The following PPP3CA variants were observed in gnomAD, a reference collection of about 807,000 sequenced individuals.
PPP3CA encodes the protein CAM-PRP catalytic subunit.
Under a neutral mutation model 66.5 loss-of-function variants are expected in PPP3CA, and 14 were observed. That is an observed-to-expected ratio of 0.21 (90% confidence interval 0.14 to 0.33). The LOEUF (loss-of-function observed/expected upper bound fraction) is 0.33. Ranked by LOEUF, PPP3CA falls within the 10% of genes least tolerant of loss-of-function variation. The pLI is 1.00. For synonymous variants in PPP3CA, 232 were observed against 226.2 expected (o/e 1.03, Z -0.23); for missense variants, 317 against 639.5 (o/e 0.50, Z 5.44).
rs1578205946 is a variant in PPP3CA, at chr4:101,342,570, G to A, written c.58+4169C>T. Among the ~76,000 whole-genome samples the A allele has an allele frequency of 3.9e-5, 6 of 152,052 alleles. No homozygotes were observed. The Middle Eastern group carries it at 0.017, about 431-fold the overall frequency. ...ATGTTGTTTATACTTTTTGGTTATC[G>A]GACCCCTTTCTTCACATCCAATGCT... On this transcript the variant is annotated intron_variant, in intron 1 of 13. Coordinates refer to ENST00000394854, the MANE Select transcript of PPP3CA (RefSeq NM_000944.5).
Position 101,121,763 on chromosome 4 carries a change from C to A in PPP3CA, c.260-12685G>T, listed in dbSNP as rs533917739. Among the ~76,000 whole-genome samples, 21 of 152,188 alleles carry A rather than the reference C, an allele frequency of 1.4e-4. 1 individual carries two copies. In the South Asian group the frequency reaches 4.2e-3, roughly 30 times the overall value. On this transcript the variant is annotated intron_variant, in intron 2 of 13. Transcript: ENST00000394854. The stretch of plus-strand genomic sequence containing the variant: ...AAAATAATGAGTAACTTTATAGTTA[C>A]AGTATACAAATACAACTGATTTTCT...
chr4:101,046,258 CCA>C (rs1336073130), intron 10 of PPP3CA, among the ~76,000 whole-genome samples: 2 of 150,736 alleles, frequency 1.3e-5, no homozygotes, highest in Non-Finnish European at 2.9e-5. Flanking sequence ...ATAAAAACGA[CCA>C]GTTTGAAAAA....
rs779695561 is a variant in PPP3CA, at chr4:101,154,808, A to ATTTTTTTTT, written c.259+41099_259+41107dup. On this transcript the variant is annotated intron_variant, in intron 2 of 13. Coordinates refer to ENST00000394854, the MANE Select transcript of PPP3CA (RefSeq NM_000944.5). ...GCTTCAGAACACATTCACTCCCAGA[A>ATTTTTTTTT]TTTTTTTTTTTTTTTTTTTTTTTTT... is the stretch of plus-strand genomic sequence containing the variant. Among the ~76,000 whole-genome samples, 20 of 90,580 alleles carry ATTTTTTTTT rather than the reference A, an allele frequency of 2.2e-4. 1 individual carries two copies. Among genetic ancestry groups the ATTTTTTTTT allele is most frequent in the South Asian group, 1.3e-3 (3 of 2,380 alleles). The allele number at this position is 90,580 out of a possible 152,430, so 59.4% of individuals were successfully genotyped here. A position where few individuals can be genotyped will look rare whatever the true frequency, so the allele number is the denominator to read the frequency against.
In PPP3CA at chr4:101,195,974, C is replaced by T. The variant is rs1216354530; in HGVS notation, c.201G>A (p.Glu67=). Residue 67 remains glutamate, a synonymous_variant, in exon 2 of 14, where the codon GAG becomes GAA. Coordinates refer to ENST00000394854, the MANE Select transcript of PPP3CA (RefSeq NM_000944.5). ...EESVALRIIT[E]GASILRQEKN... ...TTTCCTGTCGAAGAATTGATGCACC[C>T]TCTGTTATTATTCTCAATGCAACAC... 6.2e-7 allele frequency: 1 copy of T among 1,614,020 alleles called. No homozygotes were observed. The highest frequency in any genetic ancestry group is 8.5e-7 in the Non-Finnish European group (1 of 1,179,968).
At chr4:101,200,829 A>G (rs891491744) in intron 1 of PPP3CA, among the ~76,000 whole-genome samples, 4 of 152,154 alleles carry the variant, frequency 2.6e-5, no homozygotes, top group South Asian at 2.1e-4. Context: ...GAATCATCCA[A>G]CGTCAAAGGA....
intron 2 of PPP3CA, among the ~76,000 whole-genome samples, chr4:101,135,055 A>G (rs1018325072): frequency 6.6e-6 from 1 of 151,950 alleles, no homozygotes; most frequent in Non-Finnish European, 1.5e-5. Flanking sequence ...AACATCACAC[A>G]CCAGGGCCTG....
At chr4:101,053,225 G>A (rs1179249797) in intron 10 of PPP3CA, among the ~76,000 whole-genome samples, 2 of 151,958 alleles carry the variant, frequency 1.3e-5, no homozygotes, top group African/African-American at 4.8e-5. Flanking sequence ...TCAATTTTAC[G>A]TGCCACTGTA....
intron 1 of PPP3CA, among the ~76,000 whole-genome samples, chr4:101,260,153 A>G (rs1726966671): frequency 6.6e-6 from 1 of 152,162 alleles, no homozygotes; most frequent in Non-Finnish European, 1.5e-5. Flanking sequence ...AAATCGTATC[A>G]ACGACAAAGG....
chr4:101,186,335 C>T (rs1283377484), intron 2 of PPP3CA, among the ~76,000 whole-genome samples: 1 of 152,104 alleles, frequency 6.6e-6, no homozygotes, highest in Non-Finnish European at 1.5e-5. Context: ...TCTAAAGTTG[C>T]ATATTATTTG....
intron 1 of PPP3CA, among the ~76,000 whole-genome samples, chr4:101,197,096 C>A (rs1402124578): frequency 6.6e-6 from 1 of 152,208 alleles, no homozygotes; most frequent in Non-Finnish European, 1.5e-5. Flanking sequence ...GCAGCATAAA[C>A]ATCATCCCAT....
chr4:101,118,218 G>C (rs917571807), intron 2 of PPP3CA, among the ~76,000 whole-genome samples: 13 of 151,902 alleles, frequency 8.6e-5, no homozygotes, highest in African/African-American at 2.9e-4. Flanking sequence ...TCACCCTTTG[G>C]AGAGGCAGTA....
intron 1 of PPP3CA, among the ~76,000 whole-genome samples, chr4:101,339,269 C>T (rs769635719): frequency 7.2e-5 from 11 of 152,178 alleles, no homozygotes; most frequent in Non-Finnish European, 1.5e-4. Context: ...ATTTTATCTT[C>T]AAGTCCAAAT....
intron 8 of PPP3CA, among the ~76,000 whole-genome samples, chr4:101,076,960 G>C (rs1298933183): frequency 1.3e-5 from 2 of 152,148 alleles, no homozygotes; most frequent in African/African-American, 2.4e-5. Flanking sequence ...TGAGTTAGTT[G>C]CTTAATGGCA....
At position 101,181,680 on chromosome 4, in the gene PPP3CA, C is replaced by T. The variant is rs373644518; in HGVS notation, c.259+14236G>A. ...TTTGACATAAAAAAGAAACACATTA[C>T]AATGAAAGGATTATACAAAATAAAG... On this transcript the variant is annotated intron_variant, in intron 2 of 13. Transcript: ENST00000394854. Among the ~76,000 whole-genome samples the T allele has an allele frequency of 1.8e-4, 28 of 151,968 alleles. 1 individual carries two copies. Among genetic ancestry groups the T allele is most frequent in the Admixed American group, 9.8e-4 (15 of 15,240 alleles).
intron 2 of PPP3CA, among the ~76,000 whole-genome samples, chr4:101,152,935 A>G (rs949969924): frequency 1.3e-5 from 2 of 152,222 alleles, no homozygotes; most frequent in South Asian, 4.1e-4. Context: ...GATTTCCCAT[A>G]GGAGTGACAT....
At chr4:101,298,939 T>C (rs891327070) in intron 1 of PPP3CA, among the ~76,000 whole-genome samples, 23 of 151,462 alleles carry the variant, frequency 1.5e-4, no homozygotes, top group African/African-American at 5.6e-4. Context: ...AATGTATAAT[T>C]GGGCAATTTT....
At chr4:101,072,462 T>C (rs1486370079) in intron 8 of PPP3CA, among the ~76,000 whole-genome samples, 1 of 152,200 alleles carries the variant, frequency 6.6e-6, no homozygotes, top group Non-Finnish European at 1.5e-5. Flanking sequence ...TATCAGCTTG[T>C]GTCAACCTTG....
intron 1 of PPP3CA, among the ~76,000 whole-genome samples, chr4:101,288,181 G>C (rs531926856): frequency 1.3e-5 from 2 of 152,214 alleles, no homozygotes; most frequent in Admixed American, 1.3e-4. Flanking sequence ...AGGCACAATA[G>C]TATTAACCTC....
Position 101,106,453 on chromosome 4 carries a change from GA to G in PPP3CA, c.384+2500del, listed in dbSNP as rs1297072771. Among the ~76,000 whole-genome samples, 3 of 35,512 alleles carry G rather than the reference GA, an allele frequency of 8.4e-5. 1 individual carries two copies. The highest frequency in any genetic ancestry group is 4.3e-4 in the African/African-American group (3 of 6,968). 23.3% of individuals were successfully genotyped at this position (35,512 alleles called of 152,430 possible). ...AGAAAGAAAGAAAGAAAGAAAGAAA[GA>G]GAAAAGAAAAGAAAAGAAAAGAAAA... is the stretch of plus-strand genomic sequence containing the variant. On this transcript the variant is annotated intron_variant, in intron 3 of 13. Transcript: ENST00000394854.
Sources: allele counts gnomAD v4.1 joint callset (sites outside exome capture counted in the v4.1 genomes callset), GRCh38; gene constraint gnomAD v4.1.1; transcripts MANE v1.5; gene names NCBI Gene and HGNC (gene_info 2026-07-23, HGNC 2026-07-21).